Variants in SNX29 observed in about 807,000 individuals in gnomAD.
SNX29 encodes sorting nexin-29.
In SNX29, 78 loss-of-function variants were observed where a neutral mutation model predicts 102.1. The ratio of observed to expected loss-of-function variants is 0.76; its 90% confidence interval spans 0.64 to 0.92. The LOEUF is 0.92. Among genes scored for constraint, SNX29 ranks in the 40% least tolerant of loss-of-function variants. The pLI is 0.00. For missense variants in SNX29, 1,280 were observed against 1,061.7 expected, an observed-to-expected ratio of 1.21 and a Z score of -2.86; for synonymous variants, 580 against 414.5, an observed-to-expected ratio of 1.40 and a Z score of -4.85.
intron 16 of SNX29, among the ~76,000 whole-genome samples, chr16:12,359,568 C>G (rs1376145471): frequency 6.6e-6 from 1 of 152,204 alleles, no homozygotes; most frequent in African/African-American, 2.4e-5. Flanking sequence ...TTGGCTTAAT[C>G]ATTCACTTTA....
At position 12,317,711 on chromosome 16, in the gene SNX29, C is replaced by T. The variant is rs375508816; in HGVS notation, c.1783-38452C>T. Reference sequence around the variant, plus strand: ...GCACCGTCTTGTGCCTAGTGGCCAGCAGACACAAGCTGTGAAATGAGTGTA... The same window carrying T: ...GCACCGTCTTGTGCCTAGTGGCCAGTAGACACAAGCTGTGAAATGAGTGTA... On this transcript the variant is annotated intron_variant, in intron 15 of 20. Coordinates refer to ENST00000566228, the MANE Select transcript of SNX29 (RefSeq NM_032167.5). Among the ~76,000 whole-genome samples, 24 of 152,322 alleles carry T rather than the reference C, an allele frequency of 1.6e-4. No homozygotes were observed. The East Asian group carries it at 2.5e-3, about 16-fold the overall frequency.
intron 20 of SNX29, among the ~76,000 whole-genome samples, chr16:12,563,156 G>C (rs1342527887): frequency 6.6e-6 from 1 of 151,878 alleles, no homozygotes; most frequent in Non-Finnish European, 1.5e-5. Context: ...AGCTCCAGGG[G>C]GGGCAACTCT....
At chr16:12,163,985 C>T (rs2055904180) in intron 13 of SNX29, among the ~76,000 whole-genome samples, 1 of 152,092 alleles carries the variant, frequency 6.6e-6, no homozygotes, top group African/African-American at 2.4e-5. Context: ...CTCAAGAAGA[C>T]AGTACAAGAT....
Position 12,027,449 on chromosome 16 carries a change from T to C in SNX29, c.247+5T>C. The C allele has an allele frequency of 1.2e-6, 2 of 1,613,626 alleles. No homozygotes were observed. Among genetic ancestry groups the C allele is most frequent in the Non-Finnish European group, 1.7e-6 (2 of 1,179,800 alleles). On this transcript the variant is annotated splice_donor_5th_base_variant and intron_variant, in intron 4 of 20. Transcript: ENST00000566228. ...TTGCCAGCAAAACCGAAACAGGTAC[T>C]GCTCTGCCTGGCTGTAGCTTGGAGG...
At chr16:12,533,275 G>A (rs373011532) in intron 20 of SNX29, among the ~76,000 whole-genome samples, 23 of 152,340 alleles carry the variant, frequency 1.5e-4, no homozygotes, top group South Asian at 6.2e-4. Context: ...TGCAGAATCC[G>A]TAGCAGCTTC....
intron 15 of SNX29, among the ~76,000 whole-genome samples, chr16:12,349,388 A>C (rs951689947): frequency 2.0e-5 from 3 of 152,204 alleles, no homozygotes; most frequent in African/African-American, 7.2e-5. Flanking sequence ...CCATTATTTC[A>C]ATGAACATTT....
At chr16:12,531,566 G>A (rs1175732403) in intron 20 of SNX29, among the ~76,000 whole-genome samples, 5 of 152,054 alleles carry the variant, frequency 3.3e-5, no homozygotes, top group Non-Finnish European at 4.4e-5. Flanking sequence ...GGGCAGCAGC[G>A]GCATTGCCAT....
intron 14 of SNX29, among the ~76,000 whole-genome samples, chr16:12,220,305 T>TGGGA (rs1214795376): frequency 3.2e-4 from 5 of 15,728 alleles, no homozygotes; most frequent in East Asian, 2.0e-3. Flanking sequence ...GTTTTCTTTA[T>TGGGA]GGGAGGGAGG....
intron 13 of SNX29, among the ~76,000 whole-genome samples, chr16:12,170,810 G>A (rs1567274804): frequency 6.6e-6 from 1 of 151,540 alleles, no homozygotes; most frequent in Non-Finnish European, 1.5e-5. Flanking sequence ...TGTGTGTATG[G>A]GGTGTGTGAC....
intron 11 of SNX29, chr16:12,081,742 A>C (rs1049754063): frequency 6.5e-6 from 1 of 152,674 alleles, no homozygotes; most frequent in Non-Finnish European, 1.5e-5. Context: ...AATTTCGGGG[A>C]AAAAAATTTA....
intron 18 of SNX29, among the ~76,000 whole-genome samples, chr16:12,466,367 A>G (rs555177200): frequency 1.3e-5 from 2 of 152,230 alleles, no homozygotes; most frequent in Non-Finnish European, 2.9e-5. Context: ...CTAACAATGA[A>G]CCATCTGAAA....
chr16:12,464,947 A>G (rs2086984889), intron 18 of SNX29, among the ~76,000 whole-genome samples: 1 of 152,208 alleles, frequency 6.6e-6, no homozygotes, highest in South Asian at 2.1e-4. Flanking sequence ...CCATCCTAAC[A>G]GGTGTGCAGT....
intron 16 of SNX29, among the ~76,000 whole-genome samples, chr16:12,371,052 A>G (rs1408117926): frequency 6.6e-6 from 1 of 152,112 alleles, no homozygotes; most frequent in Non-Finnish European, 1.5e-5. Flanking sequence ...CTGGTTTCTG[A>G]GGAAGGTGAT....
chr16:12,462,158 A>G (rs1450415732), intron 18 of SNX29, among the ~76,000 whole-genome samples: 1 of 150,994 alleles, frequency 6.6e-6, no homozygotes, highest in Non-Finnish European at 1.5e-5. Context: ...ATCTCTTGCC[A>G]TAGGTCTAGT....
intron 18 of SNX29, among the ~76,000 whole-genome samples, chr16:12,447,009 T>TA (rs2086087370): frequency 2.0e-5 from 3 of 150,098 alleles, no homozygotes; most frequent in East Asian, 1.9e-4. Context: ...TACTATAATA[T>TA]AAAAAAAATT....
At position 12,574,093 on chromosome 16, in the gene SNX29, G is replaced by T. The variant is rs188908374; in HGVS notation, c.*5464G>T. 2.3e-3 allele frequency: 441 copies of T among 188,350 alleles called. No homozygotes were observed. Among genetic ancestry groups the T allele is most frequent in the Non-Finnish European group, 4.1e-3 (363 of 89,412 alleles). The allele number at this position is 188,350 out of a possible 1,614,324, so 11.7% of individuals were successfully genotyped here. ...CTGTGGAAACGCCCTGAAACCTGTA[G>T]TATTATCTTAACTACCCTCTTATGT... On this transcript the variant is annotated 3_prime_UTR_variant, in exon 21 of 21. Coordinates refer to ENST00000566228, the MANE Select transcript of SNX29 (RefSeq NM_032167.5).
intron 13 of SNX29, among the ~76,000 whole-genome samples, chr16:12,155,086 T>C (rs1327496928): frequency 6.6e-6 from 1 of 152,146 alleles, no homozygotes; most frequent in African/African-American, 2.4e-5. Context: ...AGTGGCTGCC[T>C]CTGCTGGATG....
chr16:12,005,699 C>T (rs1251354899), intron 3 of SNX29, among the ~76,000 whole-genome samples: 2 of 152,168 alleles, frequency 1.3e-5, no homozygotes, highest in African/African-American at 4.8e-5. Flanking sequence ...GAGTATCCCT[C>T]ATCCAAAAAC....
intron 13 of SNX29, among the ~76,000 whole-genome samples, chr16:12,148,273 T>G (rs1430731824): frequency 6.6e-6 from 1 of 152,188 alleles, no homozygotes; most frequent in African/African-American, 2.4e-5. Flanking sequence ...CCCTTTGTTA[T>G]CCATGTTGAA....
Sources: gnomAD v4.1 joint callset for allele counts (sites outside exome capture counted in the v4.1 genomes callset) on GRCh38, gnomAD v4.1.1 for gene constraint, MANE v1.5 for transcripts, NCBI Gene and HGNC (gene_info 2026-07-23, HGNC 2026-07-21) for gene names.